PLD5: variants seen among roughly 807,000 people sequenced by gnomAD.
The protein encoded by PLD5 is inactive phospholipase D5.
In PLD5, 36 loss-of-function variants were observed where a neutral mutation model predicts 61.1. That is an observed-to-expected ratio of 0.59 (90% CI 0.45 to 0.78). PLD5 has a LOEUF of 0.78. PLD5 is among the 30% of genes least tolerant of loss of function. PLD5 has a pLI of 0.00. For synonymous variants in PLD5, 243 were observed against 242.8 expected (o/e 1.00, Z -0.01); for missense variants, 515 against 644.4 (o/e 0.80, Z 2.17).
intron 5 of PLD5, among the ~76,000 whole-genome samples, chr1:242,134,589 G>A (rs974997439): frequency 7.9e-5 from 12 of 152,072 alleles, no homozygotes; most frequent in Non-Finnish European, 1.0e-4. Context: ...GTAGAGAAAC[G>A]CTGTAAAAAT....
intron 1 of PLD5, among the ~76,000 whole-genome samples, chr1:242,353,730 T>C (rs982887955): frequency 6.6e-6 from 1 of 152,190 alleles, no homozygotes; most frequent in Non-Finnish European, 1.5e-5. Flanking sequence ...ATCAGATACA[T>C]GGCTTGCAAT....
At chr1:242,293,087 T>C (rs1382509568) in intron 2 of PLD5, among the ~76,000 whole-genome samples, 2 of 152,210 alleles carry the variant, frequency 1.3e-5, no homozygotes, top group Non-Finnish European at 2.9e-5. Context: ...AAGATTTTAT[T>C]TTCCTTAGTG....
At chr1:242,410,747 C>T (rs921509723) in intron 1 of PLD5, among the ~76,000 whole-genome samples, 6 of 151,998 alleles carry the variant, frequency 3.9e-5, no homozygotes, top group African/African-American at 1.5e-4. Flanking sequence ...TGCTCAAGGT[C>T]ATCGCCAAGC....
chr1:242,268,305 G>T (rs115626644), intron 3 of PLD5, among the ~76,000 whole-genome samples: 7 of 152,100 alleles, frequency 4.6e-5, no homozygotes, highest in Non-Finnish European at 7.3e-5. Context: ...CAAACACTTC[G>T]TGTGTTCCGT....
At chr1:242,475,402 G>A (rs1282099878) in intron 1 of PLD5, among the ~76,000 whole-genome samples, 2 of 120,592 alleles carry the variant, frequency 1.7e-5, no homozygotes, top group East Asian at 4.4e-4. Flanking sequence ...CAGCCTGGGC[G>A]ACAGAGCGAG....
intron 1 of PLD5, among the ~76,000 whole-genome samples, chr1:242,492,483 T>C (rs911566476): frequency 6.7e-6 from 1 of 150,284 alleles, no homozygotes; most frequent in African/African-American, 2.5e-5. Context: ...GATCACACCA[T>C]TGCACTCCAG....
intron 4 of PLD5, among the ~76,000 whole-genome samples, chr1:242,260,542 C>T (rs1253405191): frequency 6.6e-6 from 1 of 152,072 alleles, no homozygotes; most frequent in Non-Finnish European, 1.5e-5. Context: ...CACTTACACT[C>T]CACTTTCAGC....
At chr1:242,458,819 C>T (rs1667023465) in intron 1 of PLD5, among the ~76,000 whole-genome samples, 1 of 152,186 alleles carries the variant, frequency 6.6e-6, no homozygotes, top group Non-Finnish European at 1.5e-5. Context: ...CGGTATTTGG[C>T]TCCCCGTAGC....
intron 5 of PLD5, among the ~76,000 whole-genome samples, chr1:242,166,637 C>T (rs997747340): frequency 9.8e-5 from 15 of 152,326 alleles, no homozygotes; most frequent in Admixed American, 8.5e-4. Context: ...GATTTTTCCA[C>T]CTCTTTAGTT....
intron 2 of PLD5, among the ~76,000 whole-genome samples, chr1:242,342,353 G>A (rs1290831393): frequency 1.3e-5 from 2 of 152,172 alleles, no homozygotes; most frequent in African/African-American, 2.4e-5. Context: ...TGAAAGGGTG[G>A]GTGTTCATGT....
chr1:242,523,500 G>T (rs930301421), intron 1 of PLD5, among the ~76,000 whole-genome samples: 2 of 151,684 alleles, frequency 1.3e-5, no homozygotes, highest in African/African-American at 4.9e-5. Context: ...CGATCCGCTC[G>T]CTTTTAGCCT....
chr1:242,184,359 C>T lies in PLD5; in HGVS notation c.735+35629G>A, dbSNP rs1208619055. Among the ~76,000 whole-genome samples, 11 of 152,258 alleles carry T rather than the reference C, an allele frequency of 7.2e-5. No homozygotes were observed. In the Middle Eastern group the frequency reaches 0.014, roughly 188 times the overall value. On this transcript the variant is annotated intron_variant, in intron 5 of 9. Coordinates refer to ENST00000536534, the MANE Select transcript of PLD5 (RefSeq NM_001372062.1). The stretch of plus-strand genomic sequence containing the variant: ...ACCTCACTGCACAGTTTGGAAACCA[C>T]AGCTTTCAGTTGTCTTCTTTTTTTA...
chr1:242,508,664 C>A (rs1290388869), intron 1 of PLD5, among the ~76,000 whole-genome samples: 2 of 152,334 alleles, frequency 1.3e-5, no homozygotes, highest in Middle Eastern at 3.4e-3. Flanking sequence ...ATATCAACTT[C>A]TTTCCTTCAT....
chr1:242,337,795 C>G (rs374655546), intron 2 of PLD5, among the ~76,000 whole-genome samples: 1 of 152,196 alleles, frequency 6.6e-6, no homozygotes, highest in East Asian at 1.9e-4. Flanking sequence ...ATGACTTCCT[C>G]AGCTTGAAGG....
At chr1:242,354,820 T>C (rs1050900549) in intron 1 of PLD5, among the ~76,000 whole-genome samples, 1 of 151,886 alleles carries the variant, frequency 6.6e-6, no homozygotes, top group African/African-American at 2.4e-5. Context: ...TTGAGTGTTT[T>C]TTTTTTTACC....
chr1:242,246,478 A>AAC (rs34723926), intron 4 of PLD5, among the ~76,000 whole-genome samples: 9,670 of 141,114 alleles, frequency 0.069, 665 homozygotes, highest in African/African-American at 0.19. Flanking sequence ...TAGAAAAGAC[A>AAC]ACACACACAC....
At chr1:242,475,371 C>G (rs868808838) in intron 1 of PLD5, among the ~76,000 whole-genome samples, 7 of 137,686 alleles carry the variant, frequency 5.1e-5, no homozygotes, top group African/African-American at 1.7e-4. Context: ...TGCAGTGAGC[C>G]GAGATTGCGC....
intron 7 of PLD5, among the ~76,000 whole-genome samples, chr1:242,110,581 G>T (rs1160474872): frequency 3.3e-5 from 5 of 152,096 alleles, no homozygotes; most frequent in Non-Finnish European, 7.4e-5. Context: ...AGGCTGAGGT[G>T]GGTGGATCAC....
chr1:242,528,812 A>G (rs1324911808), upstream of PLD5, among the ~76,000 whole-genome samples: 1 of 152,214 alleles, frequency 6.6e-6, no homozygotes, highest in Non-Finnish European at 1.5e-5. Context: ...TTCTTTTTTC[A>G]CCATGTCCGA....
Sources: allele counts gnomAD v4.1 joint callset (sites outside exome capture counted in the v4.1 genomes callset), GRCh38; gene constraint gnomAD v4.1.1; transcripts MANE v1.5; gene names NCBI Gene and HGNC (gene_info 2026-07-23, HGNC 2026-07-21).